The following NCALD variants were observed in gnomAD, a reference collection of about 807,000 sequenced individuals.
The protein encoded by NCALD is neurocalcin-delta.
Under a neutral mutation model 18.6 loss-of-function variants are expected in NCALD, and 10 were observed. The ratio of observed to expected loss-of-function variants is 0.54; its 90% CI spans 0.33 to 0.91. The LOEUF (loss-of-function observed/expected upper bound fraction) is 0.91, where lower values mean the gene tolerates loss of function less well. Ranked by LOEUF, NCALD falls within the 40% of genes least tolerant of loss-of-function variation. The probability of loss-of-function intolerance (pLI) is 0.03; values close to 1 mark genes in which losing one functional copy is unlikely to be tolerated. For missense variants in NCALD, 184 were observed against 247.6 expected, an observed-to-expected ratio of 0.74 and a Z score of 1.72; for synonymous variants, 88 against 87.4, an observed-to-expected ratio of 1.01 and a Z score of -0.04.
intron 1 of NCALD, among the ~76,000 whole-genome samples, chr8:102,030,438 T>C (rs1173694388): frequency 1.2e-4 from 19 of 152,200 alleles, no homozygotes; most frequent in Admixed American, 1.2e-3. Flanking sequence ...ATGGAACCCA[T>C]TAAAAATGCT....
In NCALD at chr8:101,700,056, A is replaced by ATTTATTTT. The variant is rs531550008; in HGVS notation, c.379-7161_379-7160insAAAATAAA. Among the ~76,000 whole-genome samples, 533 of 150,980 alleles carry ATTTATTTT rather than the reference A, an allele frequency of 3.5e-3. 4 individuals carry two copies. In the East Asian group the frequency reaches 0.055, roughly 16 times the overall value. On this transcript the variant is annotated intron_variant, in intron 2 of 3. Transcript: ENST00000220931. ...TATTTATTTATTTATTTATTTATTT[A>ATTTATTTT]TTCATTTATTTATTTATTTTTTGAG...
intron 1 of NCALD, among the ~76,000 whole-genome samples, chr8:102,031,185 A>G (rs901101223): frequency 7.9e-5 from 12 of 152,212 alleles, no homozygotes; most frequent in African/African-American, 2.9e-4. Context: ...ACACAATGAA[A>G]TGTACCGTAA....
chr8:102,087,694 G>A (rs1400284896), intron 1 of NCALD, among the ~76,000 whole-genome samples: 1 of 152,138 alleles, frequency 6.6e-6, no homozygotes, highest in Non-Finnish European at 1.5e-5. Context: ...TTTGCTGACG[G>A]CTATGGGTGA....
intron 1 of NCALD, among the ~76,000 whole-genome samples, chr8:102,117,580 G>T (rs1825826325): frequency 6.7e-6 from 1 of 149,424 alleles, no homozygotes; most frequent in South Asian, 2.1e-4. Flanking sequence ...AAACAGCCAG[G>T]TGACACTGTC....
intron 2 of NCALD, among the ~76,000 whole-genome samples, chr8:101,978,810 A>G (rs1447699637): frequency 6.6e-6 from 1 of 152,204 alleles, no homozygotes; most frequent in Non-Finnish European, 1.5e-5. Context: ...GAGAGGGAGG[A>G]AGAAAGCAAG....
At chr8:101,701,663 A>G (rs1357376097) in intron 2 of NCALD, among the ~76,000 whole-genome samples, 2 of 152,188 alleles carry the variant, frequency 1.3e-5, no homozygotes, top group African/African-American at 4.8e-5. Context: ...CAATTAACTG[A>G]GGGCAGGCAA....
chr8:101,956,854 A>G (rs959348066), intron 2 of NCALD, among the ~76,000 whole-genome samples: 2 of 152,204 alleles, frequency 1.3e-5, no homozygotes, highest in African/African-American at 4.8e-5. Context: ...CAATCATGTA[A>G]TGGTTGCACT....
intron 1 of NCALD, among the ~76,000 whole-genome samples, chr8:101,741,970 A>G (rs1456690015): frequency 1.4e-5 from 2 of 144,046 alleles, no homozygotes; most frequent in African/African-American, 5.1e-5. Flanking sequence ...AAAAAAAAAA[A>G]GGGCCGGGTG....
intron 2 of NCALD, among the ~76,000 whole-genome samples, chr8:102,016,273 G>A (rs1216525955): frequency 6.6e-6 from 1 of 152,130 alleles, no homozygotes; most frequent in Non-Finnish European, 1.5e-5. Context: ...ACAAGGCAAA[G>A]GTTGGCTGCC....
intron 3 of NCALD, among the ~76,000 whole-genome samples, chr8:101,904,567 T>G (rs1454787948): frequency 6.6e-6 from 1 of 152,152 alleles, no homozygotes; most frequent in East Asian, 1.9e-4. Flanking sequence ...GGATACCATC[T>G]CCTGGGCTCC....
At chr8:101,855,302 A>G (rs1039449445) in intron 4 of NCALD, among the ~76,000 whole-genome samples, 3 of 152,072 alleles carry the variant, frequency 2.0e-5, no homozygotes, top group African/African-American at 7.2e-5. Flanking sequence ...CAGAAGTGAT[A>G]TTTGTCACTT....
intron 1 of NCALD, among the ~76,000 whole-genome samples, chr8:102,060,621 T>C (rs1009804618): frequency 1.8e-4 from 27 of 152,170 alleles, no homozygotes; most frequent in African/African-American, 6.5e-4. Context: ...AGCTTGATGA[T>C]TAAAACAGAT....
chr8:101,947,190 G>A (rs1819209429), intron 2 of NCALD, among the ~76,000 whole-genome samples: 2 of 152,166 alleles, frequency 1.3e-5, no homozygotes, highest in Admixed American at 6.5e-5. Flanking sequence ...AAGTAGACCA[G>A]TCAAGAGCAA....
At chr8:102,094,934 G>T (rs1029111065) in intron 1 of NCALD, among the ~76,000 whole-genome samples, 1 of 152,204 alleles carries the variant, frequency 6.6e-6, no homozygotes, top group Non-Finnish European at 1.5e-5. Context: ...TAGAGCCATT[G>T]GAGGGAACAG....
At chr8:101,829,496 A>G (rs191958842) in intron 4 of NCALD, among the ~76,000 whole-genome samples, 5 of 152,364 alleles carry the variant, frequency 3.3e-5, no homozygotes, top group South Asian at 2.1e-4. Context: ...CTACTTTGTT[A>G]TAAAAGCTTT....
chr8:101,975,895 C>G (rs1181338228), intron 2 of NCALD, among the ~76,000 whole-genome samples: 1 of 152,134 alleles, frequency 6.6e-6, no homozygotes, highest in Non-Finnish European at 1.5e-5. Flanking sequence ...TGCTCTGGGC[C>G]TTGTACAATT....
chr8:101,993,018 T>C (rs1478849857), intron 2 of NCALD, among the ~76,000 whole-genome samples: 1 of 146,738 alleles, frequency 6.8e-6, no homozygotes, highest in African/African-American at 2.6e-5. Context: ...ATTCAGAAAC[T>C]GGTGGTCTCA....
chr8:101,936,579 G>A (rs1248613297), intron 2 of NCALD, among the ~76,000 whole-genome samples: 1 of 152,184 alleles, frequency 6.6e-6, no homozygotes, highest in East Asian at 1.9e-4. Flanking sequence ...AGCAAAGTCA[G>A]GGTAGAGGTT....
chr8:101,841,575 T>C (rs544690594), intron 4 of NCALD, among the ~76,000 whole-genome samples: 1 of 152,076 alleles, frequency 6.6e-6, no homozygotes, highest in South Asian at 2.1e-4. Context: ...GTCCTTTGAG[T>C]TGGGGAAAGG....
Sources: allele counts gnomAD v4.1 joint callset (sites outside exome capture counted in the v4.1 genomes callset), GRCh38; gene constraint gnomAD v4.1.1; transcripts MANE v1.5; gene names NCBI Gene and HGNC (gene_info 2026-07-23, HGNC 2026-07-21).